Variants in RNF148 observed in about 807,000 individuals in gnomAD.
The protein encoded by RNF148 is ring finger protein 148.
RNF148 carries 16 observed loss-of-function variants against 21.1 expected under a neutral mutation model. That is an observed-to-expected ratio of 0.76 (90% CI 0.51 to 1.15). RNF148 has a LOEUF of 1.15. Among genes scored for constraint, RNF148 ranks in the 50% most tolerant of loss-of-function variants. The pLI is 0.00. For missense variants in RNF148, 424 were observed against 374.2 expected (o/e 1.13, Z -1.10); for synonymous variants, 150 against 136.4 (o/e 1.10, Z -0.69).
Position 122,702,220 on chromosome 7 carries a change from AATG to A in RNF148, c.528_530del (p.Ile177del). 1 of 1,613,838 alleles carries A rather than the reference AATG, an allele frequency of 6.2e-7. No homozygotes were observed. The highest frequency in any genetic ancestry group is 2.2e-5 in the East Asian group (1 of 44,864). ...ACTGCATGTGCATTCTCCCCACTTC[AATG>A]ATGACTGTCACATAGACTCCTTTCT... On this transcript the variant is annotated inframe_deletion, in exon 1 of 1. Transcript: ENST00000434824.
chr7:122,702,044 A>G lies in RNF148; in HGVS notation c.707T>C (p.Ile236Thr). The change falls in exon 1 of 1, where the codon ATT becomes ACT. Residue 236 changes from isoleucine (I) to threonine (T), a missense_variant. Ile to Thr is a moderately conservative substitution (Grantham distance 89). Coordinates refer to ENST00000434824, the MANE Select transcript of RNF148 (RefSeq NM_198085.2). ...SQIKTDVKKA[I>T]DQLQLRVLKE... Reference sequence around the variant, plus strand: ...GAGAACTCGCAGTTGAAGCTGGTCAATAGCTTTCTTCACATCTGTCTTTAT... The same window carrying G: ...GAGAACTCGCAGTTGAAGCTGGTCAGTAGCTTTCTTCACATCTGTCTTTAT... The G allele has an allele frequency of 6.2e-7, 1 of 1,613,630 alleles. No homozygotes were observed. Among genetic ancestry groups the G allele is most frequent in the Middle Eastern group, 1.7e-4 (1 of 6,058 alleles).
rs1002527856 is a variant in RNF148 at position 122,702,180 on chromosome 7, T to C, written c.571A>G (p.Ile191Val). Residue 191 changes from isoleucine to valine, a missense_variant, in exon 1 of 1, where the codon ATC (isoleucine) becomes GTC (valine). Coordinates refer to ENST00000434824, the MANE Select transcript of RNF148 (RefSeq NM_198085.2). ...RMHMQWVSHY[I>V]MYLFTFLAAT... ...GCCAGGAAGGTAAATAGATACATGA[T>C]GTAATGGCTCACCCACTGCATGTGC... 5 of 1,613,706 alleles carry C rather than the reference T, an allele frequency of 3.1e-6. No homozygotes were observed. The highest frequency in any genetic ancestry group is 1.7e-5 in the Admixed American group (1 of 60,000).
rs377391654 is a variant in RNF148 at position 122,701,936 on chromosome 7, C to A, written c.815G>T (p.Arg272Leu). The change falls in exon 1 of 1, where the codon CGC (arginine) becomes CTC (leucine). Residue 272 changes from arginine (R) to leucine (L), a missense_variant. Physicochemically the swap from Arg to Leu is moderately radical, Grantham distance 102. Transcript: ENST00000434824. Reference sequence around the variant, plus strand: ...GAAAAAATGTTTGCAAGTTAAAATGCGTACTACATCTTGGGGTTTGTATGT... The same window carrying A: ...GAAAAAATGTTTGCAAGTTAAAATGAGTACTACATCTTGGGGTTTGTATGT... ...FDTYKPQDVV[R>L]ILTCKHFFHK... The A allele has an allele frequency of 4.3e-6, 7 of 1,613,496 alleles. No individual in the cohort carries two copies. Among genetic ancestry groups the A allele is most frequent in the Non-Finnish European group, 5.9e-6 (7 of 1,179,534 alleles).
chr7:122,702,252 T>C lies in RNF148; in HGVS notation c.499A>G (p.Ile167Val), dbSNP rs1156503662. Residue 167 changes from isoleucine (I) to valine (V), a missense_variant, in exon 1 of 1, where the codon ATT (isoleucine) becomes GTT (valine). Ile to Val is a conservative substitution (Grantham distance 29, BLOSUM62 3). Transcript: ENST00000434824. ...NLKGMEILHS[I>V]QKGVYVTVII... The stretch of plus-strand genomic sequence containing the variant: ...ACTGTCACATAGACTCCTTTCTGAA[T>C]CGAGTGCAAAATTTCCATGCCTTTC... 6.2e-7 allele frequency: 1 copy of C among 1,613,836 alleles called. No homozygotes were observed. The highest frequency in any genetic ancestry group is 8.5e-7 in the Non-Finnish European group (1 of 1,179,782).
At position 122,702,836 on chromosome 7, in the gene RNF148, G is replaced by A. The variant is rs75461294; in HGVS notation, c.-86C>T. The A allele has an allele frequency of 1.0e-3, 1,045 of 1,003,328 alleles. 12 individuals carry two copies. The East Asian group carries it at 0.023, about 22-fold the overall frequency. The allele number at this position is 1,003,328 out of a possible 1,614,324, so 62.2% of individuals were successfully genotyped here. A position where few individuals can be genotyped will look rare whatever the true frequency, so the allele number is the denominator to read the frequency against. ...AACATAAAGAAGATAGCTTGTTGGCGGCAGATTACTAAAGCACATAAATGG... is the reference window on the plus strand; with the variant it reads ...AACATAAAGAAGATAGCTTGTTGGCAGCAGATTACTAAAGCACATAAATGG... On this transcript the variant is annotated 5_prime_UTR_variant, in exon 1 of 1. Coordinates refer to ENST00000434824, the MANE Select transcript of RNF148 (RefSeq NM_198085.2).
Position 122,701,878 on chromosome 7 carries a change from G to C in RNF148, c.873C>G (p.Ala291=), listed in dbSNP as rs776642768. Residue 291 remains alanine, a synonymous_variant, in exon 1 of 1, where the codon GCC becomes GCG. Coordinates refer to ENST00000434824, the MANE Select transcript of RNF148 (RefSeq NM_198085.2). ...HKACIDPWLL[A]HRTCPMCKCD... ...ACTTGCACATGGGACATGTCCTATG[G>C]GCTAAAAGCCAGGGGTCAATGCATG... 10 of 1,613,120 alleles carry C rather than the reference G, an allele frequency of 6.2e-6. No individual in the cohort carries two copies. The South Asian group carries it at 1.1e-4, about 18-fold the overall frequency.
chr7:122,702,687 TAAGCCTC>T lies in RNF148; in HGVS notation c.57_63del (p.Arg20ValfsTer21). The T allele has an allele frequency of 6.2e-7, 1 of 1,612,960 alleles. No homozygotes were observed. The highest frequency in any genetic ancestry group is 8.5e-7 in the Non-Finnish European group (1 of 1,179,352). ...GGAAAGCTAAGTAGTAGAAAGATACTAAGCCTCAAAAGTCCAGATGAAACAGAACTAT... is the reference window on the plus strand; with the variant it reads ...GGAAAGCTAAGTAGTAGAAAGATACTAAAAGTCCAGATGAAACAGAACTAT... On this transcript the variant is annotated frameshift_variant, in exon 1 of 1. Transcript: ENST00000434824. LOFTEE classifies it high-confidence loss of function.
At position 122,702,411 on chromosome 7, in the gene RNF148, G is replaced by C. The variant is rs1271699526; in HGVS notation, c.340C>G (p.His114Asp). ...TTCTCTGCTGCCACGTTGATTTTAT[G>C]TGTAAAAGTACAGCCTCCACGTTCG... is the stretch of plus-strand genomic sequence containing the variant. The part of the protein sequence containing the change: ...LIERGGCTFT[H>D]KINVAAEKGA... Residue 114 changes from histidine to aspartate, a missense_variant, in exon 1 of 1, where the codon CAT becomes GAT. Physicochemically the swap from His to Asp is moderately conservative, Grantham distance 81. Transcript: ENST00000434824. 10 of 1,613,628 alleles carry C rather than the reference G, an allele frequency of 6.2e-6. No homozygotes were observed. Among genetic ancestry groups the C allele is most frequent in the Non-Finnish European group, 8.5e-6 (10 of 1,179,738 alleles).
In RNF148 at chr7:122,702,394, T is replaced by C. The variant is rs2086280785; in HGVS notation, c.357A>G (p.Ala119=). Residue 119 remains alanine (A), a synonymous_variant, in exon 1 of 1, where the codon GCA becomes GCG. Transcript: ENST00000434824. The stretch of plus-strand genomic sequence containing the variant: ...TCACCCCATTTGCTCCCTTCTCTGC[T>C]GCCACGTTGATTTTATGTGTAAAAG... ...GCTFTHKINV[A]AEKGANGVII... The C allele has an allele frequency of 1.2e-6, 2 of 1,613,832 alleles. No homozygotes were observed. Among genetic ancestry groups the C allele is most frequent in the Non-Finnish European group, 1.7e-6 (2 of 1,179,774 alleles).
At position 122,702,263 on chromosome 7, in the gene RNF148, A is replaced by G; in HGVS notation, c.488T>C (p.Ile163Thr). 5.6e-6 allele frequency: 9 copies of G among 1,613,758 alleles called. No individual in the cohort carries two copies. Among genetic ancestry groups the G allele is most frequent in the Non-Finnish European group, 7.6e-6 (9 of 1,179,780 alleles). Residue 163 changes from isoleucine to threonine, a missense_variant, in exon 1 of 1, where the codon ATT (isoleucine) becomes ACT (threonine). By Grantham distance (89) the Ile-to-Thr change is moderately conservative. Coordinates refer to ENST00000434824, the MANE Select transcript of RNF148 (RefSeq NM_198085.2). ...GACTCCTTTCTGAATCGAGTGCAAA[A>G]TTTCCATGCCTTTCAGGTTGCTTAT... ...VMISNLKGMEILHSIQKGVYV... is the reference protein window; with the variant it reads ...VMISNLKGMETLHSIQKGVYV...
chr7:122,701,828 A>T lies in RNF148; in HGVS notation c.*5T>A. On this transcript the variant is annotated 3_prime_UTR_variant, in exon 1 of 1. Transcript: ENST00000434824. ...GTTACATCTTCAGAAAATTCTCCAG[A>T]TTTCTTAAGTTTTCAGGATGTCACA... 6.4e-7 allele frequency: 1 copy of T among 1,558,708 alleles called. No individual in the cohort carries two copies. Among genetic ancestry groups the T allele is most frequent in the Non-Finnish European group, 8.7e-7 (1 of 1,149,610 alleles).
At position 122,702,356 on chromosome 7, in the gene RNF148, T is replaced by C. The variant is rs200171193; in HGVS notation, c.395A>G (p.Tyr132Cys). 184 of 1,613,836 alleles carry C rather than the reference T, an allele frequency of 1.1e-4. 1 individual carries two copies. Among genetic ancestry groups the C allele is most frequent in the Admixed American group, 6.8e-4 (41 of 60,004 alleles). Residue 132 changes from tyrosine to cysteine, a missense_variant, in exon 1 of 1, where the codon TAT (tyrosine) becomes TGT (cysteine). Tyr to Cys is a radical substitution (Grantham distance 194). Coordinates refer to ENST00000434824, the MANE Select transcript of RNF148 (RefSeq NM_198085.2). Reference sequence around the variant, plus strand: ...AAATACTTTACTGCCCGTACCTTGATAGTTGTAGATGATCACCCCATTTGC... The same window carrying C: ...AAATACTTTACTGCCCGTACCTTGACAGTTGTAGATGATCACCCCATTTGC... ...KGANGVIIYN[Y>C]QGTGSKVFPM...
At position 122,702,026 on chromosome 7, in the gene RNF148, C is replaced by G. The variant is rs201540773; in HGVS notation, c.725G>C (p.Arg242Pro). 11 of 1,613,530 alleles carry G rather than the reference C, an allele frequency of 6.8e-6. No individual in the cohort carries two copies. Among genetic ancestry groups the G allele is most frequent in the African/African-American group, 4.0e-5 (3 of 74,882 alleles). The stretch of plus-strand genomic sequence containing the variant: ...TTCCTCATCCCCTTCTTTGAGAACT[C>G]GCAGTTGAAGCTGGTCAATAGCTTT... The part of the protein sequence containing the change: ...VKKAIDQLQL[R>P]VLKEGDEELD... The change falls in exon 1 of 1, where the codon CGA becomes CCA. Residue 242 changes from arginine (R) to proline (P), a missense_variant. Coordinates refer to ENST00000434824, the MANE Select transcript of RNF148 (RefSeq NM_198085.2).
rs2086275993 is a variant in RNF148 at position 122,702,366 on chromosome 7, TG to T, written c.384del (p.Ile129SerfsTer22). 1.9e-6 allele frequency: 3 copies of T among 1,613,878 alleles called. No homozygotes were observed. The highest frequency in any genetic ancestry group is 2.5e-6 in the Non-Finnish European group (3 of 1,179,796). On this transcript the variant is annotated frameshift_variant, in exon 1 of 1. Transcript: ENST00000434824. LOFTEE classifies it high-confidence loss of function. Reference sequence around the variant, plus strand: ...CTGCCCGTACCTTGATAGTTGTAGATGATCACCCCATTTGCTCCCTTCTCTG... The same window carrying T: ...CTGCCCGTACCTTGATAGTTGTAGATATCACCCCATTTGCTCCCTTCTCTG... Reference protein sequence around the residue: ...VAAEKGANGVIIYNYQGTGSK... With the variant: ...VAAEKGANGVXIYNYQGTGSK...
Position 122,701,761 on chromosome 7 carries a change from C to A in RNF148, c.*72G>T, listed in dbSNP as rs2086132817. 9.5e-7 allele frequency: 1 copy of A among 1,053,032 alleles called. No individual in the cohort carries two copies. Among genetic ancestry groups the A allele is most frequent in the Admixed American group, 2.3e-5 (1 of 43,014 alleles). 65.2% of individuals were successfully genotyped at this position (1,053,032 alleles called of 1,614,324 possible). ...TGAAATTTTCTCTCTACATAAAGTA[C>A]AATAAGACAATTTATCTAATCTTTG... is the stretch of plus-strand genomic sequence containing the variant. On this transcript the variant is annotated 3_prime_UTR_variant, in exon 1 of 1. Transcript: ENST00000434824.
Position 122,701,983 on chromosome 7 carries a change from G to A in RNF148, c.768C>T (p.Asp256=), listed in dbSNP as rs757080508. 1 of 1,613,692 alleles carries A rather than the reference G, an allele frequency of 6.2e-7. No homozygotes were observed. The highest frequency in any genetic ancestry group is 1.7e-5 in the Admixed American group (1 of 59,934). ...ATGTGTCAAAGCAAACAACACAGTT[G>A]TCTTCATTTAGGTCTAATTCCTCAT... The part of the protein sequence containing the change: ...EGDEELDLNE[D]NCVVCFDTYK... Residue 256 remains aspartate, a synonymous_variant, in exon 1 of 1, where the codon GAC becomes GAT. Transcript: ENST00000434824.
In RNF148 at chr7:122,701,844, G is replaced by A. The variant is rs768361578; in HGVS notation, c.907C>T (p.Leu303=). 1 of 1,583,186 alleles carries A rather than the reference G, an allele frequency of 6.3e-7. No homozygotes were observed. Residue 303 remains leucine, a synonymous_variant, in exon 1 of 1, where the codon CTG becomes TTG. Coordinates refer to ENST00000434824, the MANE Select transcript of RNF148 (RefSeq NM_198085.2). ...ATTCTCCAGATTTCTTAAGTTTTCA[G>A]GATGTCACACTTGCACATGGGACAT... ...RTCPMCKCDI[L]KT
rs905627835 is a variant in RNF148 at position 122,702,429 on chromosome 7, C to T, written c.322G>A (p.Gly108Arg). 4 of 1,613,750 alleles carry T rather than the reference C, an allele frequency of 2.5e-6. No individual in the cohort carries two copies. Among genetic ancestry groups the T allele is most frequent in the Admixed American group, 3.3e-5 (2 of 59,974 alleles). Residue 108 changes from glycine (G) to arginine (R), a missense_variant, in exon 1 of 1, where the codon GGA (glycine) becomes AGA (arginine). Physicochemically the swap from Gly to Arg is moderately radical, Grantham distance 125. Coordinates refer to ENST00000434824, the MANE Select transcript of RNF148 (RefSeq NM_198085.2). ...ADSWLALIERGGCTFTHKINV... is the reference protein window; with the variant it reads ...ADSWLALIERRGCTFTHKINV... ...ATTTTATGTGTAAAAGTACAGCCTC[C>T]ACGTTCGATGAGGGCCAGCCATGAG...
At position 122,702,349 on chromosome 7, in the gene RNF148, A is replaced by T. The variant is rs2086272624; in HGVS notation, c.402T>A (p.Gly134=). Reference sequence around the variant, plus strand: ...ACATGGGAAATACTTTACTGCCCGTACCTTGATAGTTGTAGATGATCACCC... The same window carrying T: ...ACATGGGAAATACTTTACTGCCCGTTCCTTGATAGTTGTAGATGATCACCC... ...ANGVIIYNYQ[G]TGSKVFPMSH... Residue 134 remains glycine (G), a synonymous_variant, in exon 1 of 1, where the codon GGT becomes GGA. Coordinates refer to ENST00000434824, the MANE Select transcript of RNF148 (RefSeq NM_198085.2). 6 of 1,613,792 alleles carry T rather than the reference A, an allele frequency of 3.7e-6. No homozygotes were observed. In the Middle Eastern group the frequency reaches 5.0e-4, roughly 133 times the overall value.
Sources: gnomAD v4.1 joint callset for allele counts on GRCh38, gnomAD v4.1.1 for gene constraint, MANE v1.5 for transcripts, NCBI Gene and HGNC (gene_info 2026-07-23, HGNC 2026-07-21) for gene names.